Variants in BRDT observed in about 807,000 individuals in gnomAD.
The protein encoded by BRDT is bromodomain testis-specific protein.
In BRDT, 77 loss-of-function variants were observed where a neutral mutation model predicts 113.9. That is an observed-to-expected ratio of 0.68 (90% CI 0.56 to 0.82). BRDT has a LOEUF of 0.82. Ranked by LOEUF, BRDT falls within the 40% of genes least tolerant of loss-of-function variation. The pLI is 0.00. For synonymous variants in BRDT, 358 were observed against 366.5 expected, an observed-to-expected ratio of 0.98 and a Z score of 0.26; for missense variants, 1,027 against 1,105.4, an observed-to-expected ratio of 0.93 and a Z score of 1.01.
In BRDT at chr1:91,979,775, T is replaced by TA. The variant is rs1342226832; in HGVS notation, c.1287+19dup. 3.2e-6 allele frequency: 5 copies of TA among 1,579,670 alleles called. No homozygotes were observed. The highest frequency in any genetic ancestry group is 4.3e-6 in the Non-Finnish European group (5 of 1,168,258). On this transcript the variant is annotated intron_variant, in intron 8 of 18. Transcript: ENST00000399546. ...AGGAGCAGGTAGTTGATTGTATTGA[T>TA]ACAAATTTTGATAATCTATGAGCTG...
intron 4 of BRDT, among the ~76,000 whole-genome samples, chr1:91,969,301 A>G (rs1683384589): frequency 6.6e-6 from 1 of 151,402 alleles, no homozygotes; most frequent in East Asian, 1.9e-4. Context: ...AGTGCCTGAG[A>G]TATAGGAGGC....
chr1:92,001,931 C>A, intron 15 of BRDT, 118 bp from the exon 16 acceptor site: 1 of 648,072 alleles, frequency 1.5e-6, no homozygotes, highest in Non-Finnish European at 2.6e-6. Flanking sequence ...AATGATGCAT[C>A]AAAAAATTAG....
rs1051004803 is a variant in BRDT at position 91,980,843 on chromosome 1, T to G, written c.1460+28T>G. ...AAGTATCTTTTATTATGATAGCTTA[T>G]TAAGACAATAACGATAAGTTGGACT... On this transcript the variant is annotated intron_variant, in intron 9 of 18. Coordinates refer to ENST00000399546, the MANE Select transcript of BRDT (RefSeq NM_207189.4). 2.5e-6 allele frequency: 4 copies of G among 1,590,928 alleles called. No individual in the cohort carries two copies. In the African/African-American group the frequency reaches 5.5e-5, roughly 22 times the overall value.
At chr1:91,974,735 G>T (rs1047542138) in intron 4 of BRDT, among the ~76,000 whole-genome samples, 2 of 152,084 alleles carry the variant, frequency 1.3e-5, no homozygotes, top group African/African-American at 4.8e-5. Flanking sequence ...GATTCCTCAG[G>T]GATCTAGAAC....
Position 91,981,718 on chromosome 1 carries a change from T to C in BRDT, c.1965T>C (p.Ser655=). The C allele has an allele frequency of 6.2e-7, 1 of 1,614,114 alleles. No individual in the cohort carries two copies. The highest frequency in any genetic ancestry group is 2.2e-5 in the East Asian group (1 of 44,884). ...CATCAGAGTCTGAAAGTAGCAGCAG[T>C]GACTTAAGCTCTTCAGACAGCAGTG... ...SSSSESESSS[S]DLSSSDSSDS... Residue 655 remains serine, a synonymous_variant, in exon 12 of 19, where the codon AGT becomes AGC. Transcript: ENST00000399546.
In BRDT at chr1:91,964,690, A is replaced by G. The variant is rs778732912; in HGVS notation, c.256A>G (p.Lys86Glu). Reference protein sequence around the residue: ...LNTIKKRLENKYYAKASECIE... With the variant: ...LNTIKKRLENEYYAKASECIE... ...TACAATTAAGAAGCGCTTGGAGAAT[A>G]AATATTATGCGAAGGCTTCAGAATG... The change falls in exon 3 of 19, where the codon AAA becomes GAA. Residue 86 changes from lysine to glutamate, a missense_variant. Transcript: ENST00000399546. 2.0e-6 allele frequency: 3 copies of G among 1,522,300 alleles called. No individual in the cohort carries two copies. The highest frequency in any genetic ancestry group is 2.7e-6 in the Non-Finnish European group (3 of 1,111,412). 94.3% of individuals were successfully genotyped at this position (1,522,300 alleles called of 1,614,324 possible). A position where few individuals can be genotyped will look rare whatever the true frequency, so the allele number is the denominator to read the frequency against.
At chr1:91,959,409 C>G (rs1682166318) in intron 1 of BRDT, among the ~76,000 whole-genome samples, 1 of 115,038 alleles carries the variant, frequency 8.7e-6, no homozygotes, top group East Asian at 2.7e-4. Context: ...CGATTTTTCT[C>G]TTTTTCTTTC....
intron 18 of BRDT, among the ~76,000 whole-genome samples, 184 bp downstream of exon 18, chr1:92,005,483 A>G (rs955191077): frequency 2.0e-5 from 3 of 152,186 alleles, no homozygotes; most frequent in African/African-American, 7.2e-5. Flanking sequence ...AAAGGAGGCA[A>G]TGCAATAATA....
intron 15 of BRDT, among the ~76,000 whole-genome samples, chr1:91,998,990 C>T (rs1451989588): frequency 6.6e-6 from 1 of 151,868 alleles, no homozygotes; most frequent in Non-Finnish European, 1.5e-5. Context: ...AGTGGGGAGG[C>T]AATGAAGGTT....
intron 4 of BRDT, among the ~76,000 whole-genome samples, chr1:91,974,087 A>G (rs1683884577): frequency 6.6e-6 from 1 of 152,230 alleles, no homozygotes; most frequent in African/African-American, 2.4e-5. Context: ...AGCCATATGT[A>G]GAAAGCTGAA....
chr1:92,011,779 T>A (rs1687817801), intron 18 of BRDT, among the ~76,000 whole-genome samples: 2 of 152,292 alleles, frequency 1.3e-5, no homozygotes, highest in East Asian at 3.9e-4. Context: ...AACCCGACCT[T>A]GGATCTATTT....
intron 15 of BRDT, among the ~76,000 whole-genome samples, chr1:91,999,349 T>C (rs775938309): frequency 6.6e-6 from 1 of 152,196 alleles, no homozygotes; most frequent in Non-Finnish European, 1.5e-5. Flanking sequence ...TTGTAGTCTT[T>C]TGAGGTATCA....
At position 91,980,824 on chromosome 1, in the gene BRDT, CTT is replaced by C; in HGVS notation, c.1460+12_1460+13del. The C allele has an allele frequency of 6.3e-7, 1 of 1,590,066 alleles. No homozygotes were observed. The highest frequency in any genetic ancestry group is 8.5e-7 in the Non-Finnish European group (1 of 1,173,720). On this transcript the variant is annotated intron_variant, in intron 9 of 18. Transcript: ENST00000399546. ...GAAAAGTCCAAGAGAAAGTAAGTAT[CTT>C]TTATTATGATAGCTTATTAAGACAA...
intron 1 of BRDT, among the ~76,000 whole-genome samples, chr1:91,955,378 C>G (rs773458266): frequency 6.6e-6 from 1 of 152,046 alleles, no homozygotes; most frequent in Non-Finnish European, 1.5e-5. Context: ...CGCTTGAACC[C>G]GGGAGGCAGA....
chr1:91,996,040 GTATGAAATATT>G (rs1335389503), intron 15 of BRDT, among the ~76,000 whole-genome samples: 3 of 152,028 alleles, frequency 2.0e-5, no homozygotes, highest in Non-Finnish European at 4.4e-5. Flanking sequence ...AATATCCAAA[GTATGAAATATT>G]TATGTCTACT....
In BRDT at chr1:91,981,425, T is replaced by G. The variant is rs560563543; in HGVS notation, c.1864+44T>G. On this transcript the variant is annotated intron_variant, in intron 11 of 18. Coordinates refer to ENST00000399546, the MANE Select transcript of BRDT (RefSeq NM_207189.4). ...TTGTTTGTATGTATGTATGTATGTATGTAGAGACAGGGTCTTGTGATATTG... is the reference window on the plus strand; with the variant it reads ...TTGTTTGTATGTATGTATGTATGTAGGTAGAGACAGGGTCTTGTGATATTG... 31 of 1,539,580 alleles carry G rather than the reference T, an allele frequency of 2.0e-5. No homozygotes were observed. The Admixed American group carries it at 2.9e-4, about 15-fold the overall frequency.
At chr1:91,956,951 A>T (rs994516656) in intron 1 of BRDT, among the ~76,000 whole-genome samples, 3 of 152,178 alleles carry the variant, frequency 2.0e-5, no homozygotes, top group African/African-American at 7.2e-5. Flanking sequence ...AAAAATTTTT[A>T]AAAATAGAAA....
In BRDT at chr1:92,005,134, A is replaced by C; in HGVS notation, c.2610A>C (p.Gly870=). Residue 870 remains glycine (G), a synonymous_variant, in exon 18 of 19, where the codon GGA becomes GGC. Transcript: ENST00000399546. ...SQENQRDLGN[G]LTVESFSNKI... is the part of the protein sequence containing the mutation. Reference sequence around the variant, plus strand: ...TTTCTTTAAGGGATCTTGGGAATGGATTGACTGTAGAATCTTTTTCAAATA... The same window carrying C: ...TTTCTTTAAGGGATCTTGGGAATGGCTTGACTGTAGAATCTTTTTCAAATA... 1 of 1,510,840 alleles carries C rather than the reference A, an allele frequency of 6.6e-7. No homozygotes were observed. Among genetic ancestry groups the C allele is most frequent in the Non-Finnish European group, 8.8e-7 (1 of 1,135,244 alleles). The allele number at this position is 1,510,840 out of a possible 1,614,324, so 93.6% of individuals were successfully genotyped here.
intron 4 of BRDT, among the ~76,000 whole-genome samples, chr1:91,975,744 T>C (rs1040763058): frequency 2.6e-5 from 4 of 152,242 alleles, no homozygotes; most frequent in Admixed American, 6.5e-5. Flanking sequence ...GATCCAAATG[T>C]CTTACATCAT....
Sources: allele counts gnomAD v4.1 joint callset (sites outside exome capture counted in the v4.1 genomes callset), GRCh38; gene constraint gnomAD v4.1.1; transcripts MANE v1.5; gene names NCBI Gene and HGNC (gene_info 2026-07-23, HGNC 2026-07-21).